PRTFDC1: variants seen among roughly 807,000 people sequenced by gnomAD.
The protein encoded by PRTFDC1 is phosphoribosyltransferase domain-containing protein 1.
A neutral mutation model predicts 34.6 loss-of-function variants in PRTFDC1; 38 were observed. The ratio of observed to expected loss-of-function variants is 1.10; its 90% confidence interval spans 0.85 to 1.44. The LOEUF (loss-of-function observed/expected upper bound fraction) is 1.44, where lower values mean the gene tolerates loss of function less well. Among genes scored for constraint, PRTFDC1 ranks in the 40% most tolerant of loss-of-function variants. The pLI, the probability that PRTFDC1 is intolerant of heterozygous loss-of-function variation, is 0.00. For synonymous variants in PRTFDC1, 93 were observed against 98.1 expected (o/e 0.95, Z 0.31); for missense variants, 270 against 283.0 (o/e 0.95, Z 0.33).
chr10:24,913,369 AT>A (rs1334252143), intron 3 of PRTFDC1, among the ~76,000 whole-genome samples: 1 of 152,190 alleles, frequency 6.6e-6, no homozygotes, highest in African/African-American at 2.4e-5. Context: ...ATCTGTATTT[AT>A]TAGGTTTATA....
rs760774655 is a variant in PRTFDC1 at position 24,849,903 on chromosome 10, A to T, written c.631-12T>A. Reference sequence around the variant, plus strand: ...ATGACGCATATGTGCTGAAACAATAAAGGATTTAAACGCATCAGTTTCTTA... The same window carrying T: ...ATGACGCATATGTGCTGAAACAATATAGGATTTAAACGCATCAGTTTCTTA... On this transcript the variant is annotated splice_polypyrimidine_tract_variant and intron_variant, in intron 8 of 8. Transcript: ENST00000320152. The T allele has an allele frequency of 4.3e-6, 7 of 1,613,826 alleles. No individual in the cohort carries two copies. In the East Asian group the frequency reaches 1.6e-4, roughly 36 times the overall value.
chr10:24,914,164 G>C (rs973177916), intron 3 of PRTFDC1, among the ~76,000 whole-genome samples: 2 of 152,104 alleles, frequency 1.3e-5, no homozygotes, highest in African/African-American at 4.8e-5. Context: ...ATTTAAATAA[G>C]AAAATGTAGT....
At chr10:24,866,375 A>G (rs571276311) in intron 4 of PRTFDC1, among the ~76,000 whole-genome samples, 158 of 150,306 alleles carry the variant, frequency 1.1e-3, no homozygotes, top group African/African-American at 3.4e-3. Context: ...AAAAAAAAAA[A>G]AAAAAGAAAA....
chr10:24,890,661 G>C (rs1326751390), intron 3 of PRTFDC1, among the ~76,000 whole-genome samples: 1 of 152,184 alleles, frequency 6.6e-6, no homozygotes, highest in East Asian at 1.9e-4. Flanking sequence ...TATGAACTCT[G>C]TTCCCTGTCT....
intron 1 of PRTFDC1, among the ~76,000 whole-genome samples, chr10:24,945,806 T>C (rs1197440292): frequency 6.6e-6 from 1 of 152,158 alleles, no homozygotes; most frequent in African/African-American, 2.4e-5. Flanking sequence ...CCCTCTACCA[T>C]CAAACTGGCC....
chr10:24,872,790 A>G (rs35881420), intron 3 of PRTFDC1, among the ~76,000 whole-genome samples: 8,557 of 63,522 alleles, frequency 0.13, 218 homozygotes, highest in South Asian at 0.23. Context: ...GTGTGTGTGT[A>G]TATATATATA....
At chr10:24,934,629 A>G (rs549417904) in intron 3 of PRTFDC1, among the ~76,000 whole-genome samples, 32 of 152,298 alleles carry the variant, frequency 2.1e-4, no homozygotes, top group African/African-American at 7.2e-4. Flanking sequence ...CTTGCAACCA[A>G]TTGCCAATCA....
chr10:24,921,285 T>C (rs1236993679), intron 3 of PRTFDC1, among the ~76,000 whole-genome samples: 1 of 152,164 alleles, frequency 6.6e-6, no homozygotes, highest in East Asian at 1.9e-4. Context: ...AATGTGAATT[T>C]TGGAAGTGTG....
At chr10:24,935,113 T>A (rs1849029411) in intron 3 of PRTFDC1, among the ~76,000 whole-genome samples, 1 of 152,184 alleles carries the variant, frequency 6.6e-6, no homozygotes, top group African/African-American at 2.4e-5. Flanking sequence ...CTGTTCTATA[T>A]CTTGACTGTG....
chr10:24,938,866 T>A (rs112107862), intron 2 of PRTFDC1, among the ~76,000 whole-genome samples: 48 of 152,206 alleles, frequency 3.2e-4, no homozygotes, highest in African/African-American at 1.1e-3. Context: ...TGGTTGGAAA[T>A]TTGAATCTAC....
chr10:24,868,704 A>T (rs1847827104), intron 4 of PRTFDC1, among the ~76,000 whole-genome samples: 1 of 152,088 alleles, frequency 6.6e-6, no homozygotes, highest in South Asian at 2.1e-4. Context: ...CAATCCTTTC[A>T]TCCACTGCAG....
At chr10:24,898,703 T>C (rs369286639) in intron 3 of PRTFDC1, among the ~76,000 whole-genome samples, 5 of 152,130 alleles carry the variant, frequency 3.3e-5, no homozygotes, top group Admixed American at 6.6e-5. Context: ...AAAGACTTGA[T>C]TGGTCTGGCT....
At chr10:24,868,963 A>G (rs1847832484) in intron 4 of PRTFDC1, among the ~76,000 whole-genome samples, 1 of 152,192 alleles carries the variant, frequency 6.6e-6, no homozygotes, top group African/African-American at 2.4e-5. Context: ...TGTTACATGC[A>G]TGGAATGCGT....
chr10:24,929,144 G>A (rs1263389329), intron 3 of PRTFDC1, among the ~76,000 whole-genome samples: 1 of 151,846 alleles, frequency 6.6e-6, no homozygotes, highest in Non-Finnish European at 1.5e-5. Flanking sequence ...CCTGGTGTAG[G>A]GTAAAGACTA....
At chr10:24,933,065 G>T (rs1002814358) in intron 3 of PRTFDC1, among the ~76,000 whole-genome samples, 4 of 151,908 alleles carry the variant, frequency 2.6e-5, no homozygotes, top group African/African-American at 9.7e-5. Flanking sequence ...ATGCAAAAAT[G>T]AAAAGAAAAG....
chr10:24,868,979 G>A (rs1847832745), intron 4 of PRTFDC1, among the ~76,000 whole-genome samples: 1 of 152,184 alleles, frequency 6.6e-6, no homozygotes, highest in Admixed American at 6.5e-5. Flanking sequence ...TGCGTAATGA[G>A]CAGGTCAGGG....
intron 3 of PRTFDC1, among the ~76,000 whole-genome samples, chr10:24,926,559 G>A (rs1196332873): frequency 2.6e-5 from 4 of 152,226 alleles, no homozygotes; most frequent in Non-Finnish European, 4.4e-5. Context: ...ATGTTGCCCA[G>A]GCTGGTCTCG....
Position 24,925,841 on chromosome 10 carries a change from G to A in PRTFDC1, c.339+11343C>T, listed in dbSNP as rs141177965. Among the ~76,000 whole-genome samples, 164 of 152,284 alleles carry A rather than the reference G, an allele frequency of 1.1e-3. 2 individuals carry two copies. The highest frequency in any genetic ancestry group is 3.8e-3 in the African/African-American group (156 of 41,566). ...CTAGGAAGAAATCCGACCTTAGGTG[G>A]GGTTGGAACTCTGTGGAACTGCTAG... is the stretch of plus-strand genomic sequence containing the variant. On this transcript the variant is annotated intron_variant, in intron 3 of 8. Coordinates refer to ENST00000320152, the MANE Select transcript of PRTFDC1 (RefSeq NM_020200.7).
intron 3 of PRTFDC1, among the ~76,000 whole-genome samples, chr10:24,930,305 T>C (rs1191971346): frequency 2.6e-5 from 4 of 152,150 alleles, no homozygotes. Flanking sequence ...ATCTCCATGG[T>C]GCAGGGCAGA....
Sources: gnomAD v4.1 joint callset for allele counts (sites outside exome capture counted in the v4.1 genomes callset) on GRCh38, gnomAD v4.1.1 for gene constraint, MANE v1.5 for transcripts, NCBI Gene and HGNC (gene_info 2026-07-23, HGNC 2026-07-21) for gene names.